SCAPER: variants seen among roughly 807,000 people sequenced by gnomAD.
SCAPER encodes the protein S-phase cyclin A associated protein in the ER, also known as S phase cyclin A-associated protein in the endoplasmic reticulum.
A neutral mutation model predicts 182.2 loss-of-function variants in SCAPER; 98 were observed. The observed-to-expected ratio is 0.54, with a 90% CI of 0.46 to 0.64. SCAPER has a LOEUF of 0.64. Among genes scored for constraint, SCAPER ranks in the 30% least tolerant of loss-of-function variants. The probability of loss-of-function intolerance (pLI) is 0.00; values close to 1 mark genes in which losing one functional copy is unlikely to be tolerated. For missense variants in SCAPER, 1,432 were observed against 1,690.0 expected (o/e 0.85, Z 2.68); for synonymous variants, 605 against 564.6 (o/e 1.07, Z -1.01).
At chr15:76,433,968 T>TC in intron 26 of SCAPER, 110 bp downstream of exon 26, 1 of 833,142 alleles carries the variant, frequency 1.2e-6, no homozygotes, top group East Asian at 2.7e-5. Flanking sequence ...ACCAGGAATG[T>TC]GTGAATGGCA....
At chr15:76,361,924 G>A (rs2041446258) in intron 29 of SCAPER, among the ~76,000 whole-genome samples, 1 of 151,718 alleles carries the variant, frequency 6.6e-6, no homozygotes, top group African/African-American at 2.4e-5. Context: ...GGTTTAAGAT[G>A]GAAGGAGACA....
intron 15 of SCAPER, among the ~76,000 whole-genome samples, chr15:76,747,256 C>A (rs1432440514): frequency 6.6e-6 from 1 of 152,204 alleles, no homozygotes; most frequent in Non-Finnish European, 1.5e-5. Flanking sequence ...GTAATCCCAG[C>A]ACTTTGGGAG....
chr15:76,472,725 C>T lies in SCAPER; in HGVS notation c.2955-1390G>A, dbSNP rs1409459478. ...TGTATTGTGGGGAAGGGTCATAGGT[C>T]ACTAATAGAATGTCTCTGATGCTGG... is the stretch of plus-strand genomic sequence containing the variant. On this transcript the variant is annotated intron_variant, in intron 24 of 31. Transcript: ENST00000563290. Among the ~76,000 whole-genome samples the T allele has an allele frequency of 2.6e-5, 4 of 152,128 alleles. No individual in the cohort carries two copies. The East Asian group carries it at 7.7e-4, about 29-fold the overall frequency.
intron 1 of SCAPER, among the ~76,000 whole-genome samples, chr15:76,890,863 A>C (rs947548804): frequency 2.0e-5 from 3 of 152,092 alleles, no homozygotes; most frequent in Admixed American, 6.6e-5. Context: ...GAGACACAAC[A>C]AAAAAAGAGA....
At chr15:76,620,801 A>G (rs1597745740) in intron 22 of SCAPER, among the ~76,000 whole-genome samples, 1 of 152,268 alleles carries the variant, frequency 6.6e-6, no homozygotes, top group Admixed American at 6.5e-5. Flanking sequence ...GGAGTTGAAC[A>G]AGGAGAACAC....
chr15:76,446,547 T>G (rs73442154), intron 25 of SCAPER, among the ~76,000 whole-genome samples: 3,652 of 152,296 alleles, frequency 0.024, 147 homozygotes, highest in African/African-American at 0.082. Context: ...TAGGTTGTTT[T>G]TGCACATATA....
chr15:76,514,252 C>T (rs1475382235), intron 23 of SCAPER, among the ~76,000 whole-genome samples: 4 of 152,198 alleles, frequency 2.6e-5, no homozygotes, highest in Non-Finnish European at 5.9e-5. Flanking sequence ...AGATGTGTGG[C>T]TTCCCTTATG....
chr15:76,798,407 T>TC (rs1446297163), intron 7 of SCAPER, among the ~76,000 whole-genome samples: 2 of 139,050 alleles, frequency 1.4e-5, no homozygotes, highest in African/African-American at 2.7e-5. Context: ...AATGAACAGA[T>TC]CCTCAAATGG....
chr15:76,745,067 T>C (rs899515453), intron 15 of SCAPER, among the ~76,000 whole-genome samples: 1 of 150,748 alleles, frequency 6.6e-6, no homozygotes, highest in East Asian at 1.9e-4. Flanking sequence ...TTCTCATTTG[T>C]AAGTGGGAGC....
chr15:76,490,274 G>T (rs1236853016), intron 24 of SCAPER, among the ~76,000 whole-genome samples: 2 of 152,142 alleles, frequency 1.3e-5, no homozygotes, highest in African/African-American at 4.8e-5. Flanking sequence ...GTGTACAAGG[G>T]TCCCAATTTC....
At chr15:76,656,001 T>C (rs2055602239) in intron 21 of SCAPER, among the ~76,000 whole-genome samples, 5 of 152,116 alleles carry the variant, frequency 3.3e-5, no homozygotes, top group Admixed American at 3.3e-4. Context: ...AACTGCACAA[T>C]CAAGTCTGCA....
chr15:76,844,583 G>C (rs993930389), intron 4 of SCAPER, among the ~76,000 whole-genome samples: 3 of 152,110 alleles, frequency 2.0e-5, no homozygotes, highest in African/African-American at 7.2e-5. Context: ...GCTACTATGA[G>C]AAACTATATG....
rs899207268 is a variant in SCAPER at position 76,804,511 on chromosome 15, T to G, written c.494+22A>C. 4 of 1,508,432 alleles carry G rather than the reference T, an allele frequency of 2.7e-6. No individual in the cohort carries two copies. The African/African-American group carries it at 4.1e-5, about 16-fold the overall frequency. 93.4% of individuals were successfully genotyped at this position (1,508,432 alleles called of 1,614,324 possible). On this transcript the variant is annotated intron_variant, in intron 6 of 31. Coordinates refer to ENST00000563290, the MANE Select transcript of SCAPER (RefSeq NM_020843.4). ...TTGAAACTGCTGGATGATAGGAAGATTGAGACCAGAGAGCTCATTACCTGC... is the reference window on the plus strand; with the variant it reads ...TTGAAACTGCTGGATGATAGGAAGAGTGAGACCAGAGAGCTCATTACCTGC...
chr15:76,363,487 G>A (rs2041592693), intron 29 of SCAPER, among the ~76,000 whole-genome samples: 1 of 152,182 alleles, frequency 6.6e-6, no homozygotes, highest in Non-Finnish European at 1.5e-5. Context: ...TAGGGCAGAA[G>A]CAGCTTCTTT....
intron 25 of SCAPER, among the ~76,000 whole-genome samples, chr15:76,452,037 C>A (rs1370844044): frequency 4.6e-5 from 7 of 152,174 alleles, no homozygotes; most frequent in Non-Finnish European, 8.8e-5. Context: ...TTCTCTCTGT[C>A]TCATTCTTCT....
intron 26 of SCAPER, among the ~76,000 whole-genome samples, chr15:76,408,460 C>A (rs12591100): frequency 0.44 from 66,145 of 151,736 alleles, 14,653 homozygotes; most frequent in East Asian, 0.62. Context: ...CCATGCTGTG[C>A]CAAACATTTT....
chr15:76,686,293 C>T (rs1032555728), intron 20 of SCAPER, among the ~76,000 whole-genome samples: 2 of 151,984 alleles, frequency 1.3e-5, no homozygotes, highest in African/African-American at 4.8e-5. Context: ...AAAATACTTA[C>T]CTAAAACATG....
intron 26 of SCAPER, among the ~76,000 whole-genome samples, chr15:76,422,205 T>C (rs1327725215): frequency 6.6e-6 from 1 of 152,232 alleles, no homozygotes; most frequent in Non-Finnish European, 1.5e-5. Flanking sequence ...TAAATTACCT[T>C]GGGCAGTATG....
chr15:76,563,891 A>G (rs550183838), intron 23 of SCAPER, among the ~76,000 whole-genome samples: 46 of 152,354 alleles, frequency 3.0e-4, no homozygotes, highest in African/African-American at 1.0e-3. Flanking sequence ...CCTCACATAA[A>G]CAGAATTAAA....
Sources: allele counts gnomAD v4.1 joint callset (sites outside exome capture counted in the v4.1 genomes callset), GRCh38; gene constraint gnomAD v4.1.1; transcripts MANE v1.5; gene names NCBI Gene and HGNC (gene_info 2026-07-23, HGNC 2026-07-21).